Variants in GABRB1 observed in about 807,000 individuals in gnomAD.
The protein encoded by GABRB1 is gamma-aminobutyric acid receptor subunit beta-1.
A neutral mutation model predicts 51.6 loss-of-function variants in GABRB1; 17 were observed. The ratio of observed to expected loss-of-function variants is 0.33; its 90% CI spans 0.23 to 0.49. The LOEUF is 0.49. Among genes scored for constraint, GABRB1 ranks in the 20% least tolerant of loss-of-function variants. The pLI, the probability that GABRB1 is intolerant of heterozygous loss-of-function variation, is 0.99. For missense variants in GABRB1, 410 were observed against 600.6 expected (o/e 0.68, Z 3.32); for synonymous variants, 247 against 218.9 (o/e 1.13, Z -1.14).
At chr4:47,317,215 A>ATT (rs776456002) in intron 4 of GABRB1, among the ~76,000 whole-genome samples, 4 of 151,938 alleles carry the variant, frequency 2.6e-5, no homozygotes, top group Non-Finnish European at 5.9e-5. Flanking sequence ...GTCCAGATAT[A>ATT]TTTCCAAATG....
intron 3 of GABRB1, among the ~76,000 whole-genome samples, chr4:47,157,370 A>G (rs1399217409): frequency 6.6e-6 from 1 of 152,154 alleles, no homozygotes; most frequent in Non-Finnish European, 1.5e-5. Flanking sequence ...TTGTTGTGTA[A>G]GAGAACAAAA....
rs1452714918 is a variant in GABRB1 at position 47,277,525 on chromosome 4, T to C, written c.462-42602T>C. ...TAAAAGGTGTAATTGAATTTGTAATTCAAAGGATAAATGGTTGAGGGGTTG... is the reference window on the plus strand; with the variant it reads ...TAAAAGGTGTAATTGAATTTGTAATCCAAAGGATAAATGGTTGAGGGGTTG... On this transcript the variant is annotated intron_variant, in intron 4 of 8. Coordinates refer to ENST00000295454, the MANE Select transcript of GABRB1 (RefSeq NM_000812.4). 3.9e-5 allele frequency among the ~76,000 whole-genome samples: 6 copies of C among 152,074 alleles called. No individual in the cohort carries two copies. The East Asian group carries it at 1.2e-3, about 29-fold the overall frequency.
intron 5 of GABRB1, among the ~76,000 whole-genome samples, chr4:47,401,304 T>C (rs1728375431): frequency 6.6e-6 from 1 of 152,228 alleles, no homozygotes; most frequent in Non-Finnish European, 1.5e-5. Flanking sequence ...GGTAGGAATG[T>C]AAATTGGCAC....
chr4:47,197,131 G>A (rs1258896235), intron 4 of GABRB1, among the ~76,000 whole-genome samples: 1 of 152,192 alleles, frequency 6.6e-6, no homozygotes, highest in East Asian at 1.9e-4. Flanking sequence ...CTCTGGCAAT[G>A]GTTAGACACC....
At chr4:47,354,983 T>TCTTTTTG (rs1726504256) in intron 5 of GABRB1, among the ~76,000 whole-genome samples, 1 of 94,622 alleles carries the variant, frequency 1.1e-5, no homozygotes, top group Non-Finnish European at 2.3e-5. Context: ...TTCCTTTGTT[T>TCTTTTTG]TTTTTTTTTT....
intron 3 of GABRB1, among the ~76,000 whole-genome samples, chr4:47,128,751 G>C (rs1716278210): frequency 1.3e-5 from 2 of 151,920 alleles, no homozygotes. Context: ...TTTTCAGAGG[G>C]AGTAAATGAG....
intron 3 of GABRB1, among the ~76,000 whole-genome samples, chr4:47,148,023 C>T (rs1234804813): frequency 6.6e-6 from 1 of 151,958 alleles, no homozygotes; most frequent in Non-Finnish European, 1.5e-5. Flanking sequence ...TGCCATATAA[C>T]AAATGGATTA....
chr4:47,285,607 G>A (rs1312690004), intron 4 of GABRB1, among the ~76,000 whole-genome samples: 1 of 152,166 alleles, frequency 6.6e-6, no homozygotes, highest in East Asian at 1.9e-4. Flanking sequence ...GGTTCCTAGA[G>A]TGGTTAAGAG....
intron 3 of GABRB1, among the ~76,000 whole-genome samples, chr4:47,153,046 G>A (rs146133982): frequency 1.5e-3 from 230 of 152,078 alleles, no homozygotes; most frequent in South Asian, 3.5e-3. Context: ...GGAATTTCAC[G>A]CACGGAGCTG....
chr4:47,272,729 T>C (rs896685456), intron 4 of GABRB1, among the ~76,000 whole-genome samples: 4 of 152,172 alleles, frequency 2.6e-5, no homozygotes, highest in African/African-American at 9.6e-5. Flanking sequence ...ATCCAAAATA[T>C]TCCTTTACCC....
At chr4:47,032,846 C>A in intron 3 of GABRB1, 1 of 433,124 alleles carries the variant, frequency 2.3e-6, no homozygotes, top group Non-Finnish European at 4.7e-6. Context: ...CTAGGGTCCC[C>A]GGACCGGTGG....
At chr4:47,085,090 A>T (rs1246748295) in intron 3 of GABRB1, among the ~76,000 whole-genome samples, 1 of 152,220 alleles carries the variant, frequency 6.6e-6, no homozygotes, top group Admixed American at 6.5e-5. Context: ...TCATTATATG[A>T]TTATGAGTAA....
chr4:47,400,921 C>CTTTTTT lies in GABRB1; in HGVS notation c.545-2377_545-2372dup, dbSNP rs71195629. ...CATTATTTTGTTCTTTTGTTCTTCTCTTTTTTTTTTTTTTTTTTTTTTTTT... is the reference window on the plus strand; with the variant it reads ...CATTATTTTGTTCTTTTGTTCTTCTCTTTTTTTTTTTTTTTTTTTTTTTTTTTTTTT... On this transcript the variant is annotated intron_variant, in intron 5 of 8. Transcript: ENST00000295454. Among the ~76,000 whole-genome samples, 186 of 98,538 alleles carry CTTTTTT rather than the reference C, an allele frequency of 1.9e-3. 1 individual carries two copies. The highest frequency in any genetic ancestry group is 4.5e-3 in the African/African-American group (110 of 24,440). 64.6% of individuals were successfully genotyped at this position (98,538 alleles called of 152,430 possible).
intron 3 of GABRB1, among the ~76,000 whole-genome samples, chr4:47,100,360 TG>T (rs1267560821): frequency 6.6e-6 from 1 of 152,042 alleles, no homozygotes; most frequent in Non-Finnish European, 1.5e-5. Context: ...ATATAGGGTC[TG>T]GGGAGAAAGA....
chr4:47,362,747 A>G (rs945074046), intron 5 of GABRB1, among the ~76,000 whole-genome samples: 17 of 152,278 alleles, frequency 1.1e-4, no homozygotes, highest in African/African-American at 4.1e-4. Context: ...ATACTTAAAA[A>G]GTCCTCAGGC....
intron 3 of GABRB1, among the ~76,000 whole-genome samples, chr4:47,126,423 A>G (rs12501528): frequency 2.3e-4 from 35 of 152,300 alleles, no homozygotes; most frequent in Admixed American, 5.9e-4. Flanking sequence ...TATTCTCACC[A>G]CATGCCAAAA....
chr4:47,199,031 C>T (rs1226182359), intron 4 of GABRB1, among the ~76,000 whole-genome samples: 1 of 152,162 alleles, frequency 6.6e-6, no homozygotes, highest in Non-Finnish European at 1.5e-5. Context: ...CTTTCCTGGA[C>T]TTGTGGGGAT....
At chr4:47,295,253 A>T (rs971355905) in intron 4 of GABRB1, among the ~76,000 whole-genome samples, 3 of 152,254 alleles carry the variant, frequency 2.0e-5, no homozygotes, top group Admixed American at 2.0e-4. Flanking sequence ...ACAAAGCTGG[A>T]TGGAGAATGA....
intron 3 of GABRB1, among the ~76,000 whole-genome samples, chr4:47,058,724 G>T (rs1440561155): frequency 6.6e-6 from 1 of 152,116 alleles, no homozygotes; most frequent in Non-Finnish European, 1.5e-5. Context: ...TCCCAGTAAG[G>T]TTTCATTGGA....
Sources: allele counts gnomAD v4.1 joint callset (sites outside exome capture counted in the v4.1 genomes callset), GRCh38; gene constraint gnomAD v4.1.1; transcripts MANE v1.5; gene names NCBI Gene and HGNC (gene_info 2026-07-23, HGNC 2026-07-21).